The following MAGI2 variants were observed in gnomAD, a reference collection of about 807,000 sequenced individuals.
MAGI2 encodes the protein membrane-associated guanylate kinase, WW and PDZ domain-containing protein 2.
MAGI2 carries 35 observed loss-of-function variants against 133.3 expected under a neutral mutation model. The ratio of observed to expected loss-of-function variants is 0.26; its 90% CI spans 0.20 to 0.35. The LOEUF is 0.35. Ranked by LOEUF, MAGI2 falls within the 10% of genes least tolerant of loss-of-function variation. MAGI2 has a pLI of 1.00. For missense variants in MAGI2, 1,636 were observed against 1,863.4 expected, an observed-to-expected ratio of 0.88 and a Z score of 2.25; for synonymous variants, 729 against 710.6, an observed-to-expected ratio of 1.03 and a Z score of -0.41.
chr7:79,254,552 A>ATGCTTCTTG (rs1833553255), intron 1 of MAGI2, among the ~76,000 whole-genome samples: 1 of 152,238 alleles, frequency 6.6e-6, no homozygotes, highest in African/African-American at 2.4e-5. Flanking sequence ...GTAACTAAGA[A>ATGCTTCTTG]TACAGTTGTA....
chr7:78,471,912 A>T (rs1369123937), intron 6 of MAGI2, among the ~76,000 whole-genome samples: 2 of 151,550 alleles, frequency 1.3e-5, no homozygotes, highest in Non-Finnish European at 2.9e-5. Context: ...GCAACAGAGC[A>T]AGACTCCATC....
At chr7:79,175,405 A>G (rs545261726) in intron 1 of MAGI2, among the ~76,000 whole-genome samples, 2 of 151,932 alleles carry the variant, frequency 1.3e-5, no homozygotes, top group Middle Eastern at 3.4e-3. Flanking sequence ...CCCCCTTCCC[A>G]TCTTGCTTTA....
intron 1 of MAGI2, among the ~76,000 whole-genome samples, chr7:79,260,090 C>T (rs780969643): frequency 3.9e-5 from 6 of 152,226 alleles, no homozygotes; most frequent in African/African-American, 1.2e-4. Flanking sequence ...CATGGTGGCT[C>T]ATGCCTATAA....
chr7:78,062,813 A>G (rs3807762), intron 21 of MAGI2, among the ~76,000 whole-genome samples: 15,844 of 152,096 alleles, frequency 0.1, 1,396 homozygotes, highest in African/African-American at 0.24. Context: ...AAGCTCAGTA[A>G]GTCCAAAATT....
chr7:78,726,659 A>G (rs1820841745), intron 2 of MAGI2, among the ~76,000 whole-genome samples: 1 of 152,170 alleles, frequency 6.6e-6, no homozygotes, highest in South Asian at 2.1e-4. Context: ...ATAACAGAGA[A>G]TACTTCTCCC....
At chr7:79,371,020 TA>T (rs201624499) in intron 1 of MAGI2, among the ~76,000 whole-genome samples, 5 of 151,620 alleles carry the variant, frequency 3.3e-5, no homozygotes, top group Admixed American at 6.6e-5. Context: ...GAGTAAGAAA[TA>T]AAAAAAAGGA....
At chr7:78,887,424 C>T (rs1043703994) in intron 2 of MAGI2, among the ~76,000 whole-genome samples, 1 of 152,178 alleles carries the variant, frequency 6.6e-6, no homozygotes, top group Non-Finnish European at 1.5e-5. Flanking sequence ...TGGGAGCAAG[C>T]CGCAGTAATC....
chr7:79,324,540 C>A lies in MAGI2; in HGVS notation c.301+128480G>T, dbSNP rs780583272. On this transcript the variant is annotated intron_variant, in intron 1 of 21. Coordinates refer to ENST00000354212, the MANE Select transcript of MAGI2 (RefSeq NM_012301.4). ...TATATATACACCATATATATATAAC[C>A]ATATATATACATATATACACATATA... Among the ~76,000 whole-genome samples, 7 of 10,716 alleles carry A rather than the reference C, an allele frequency of 6.5e-4. 1 individual carries two copies. The highest frequency in any genetic ancestry group is 1.2e-3 in the African/African-American group (4 of 3,436). 7.0% of individuals were successfully genotyped at this position (10,716 alleles called of 152,430 possible). A position where few individuals can be genotyped will look rare whatever the true frequency, so the allele number is the denominator to read the frequency against.
At chr7:79,023,086 A>G (rs1454809586) in intron 1 of MAGI2, among the ~76,000 whole-genome samples, 1 of 152,200 alleles carries the variant, frequency 6.6e-6, no homozygotes, top group African/African-American at 2.4e-5. Flanking sequence ...AAAATTCCTC[A>G]ACAAAATACT....
chr7:79,182,632 C>A (rs965060327), intron 1 of MAGI2, among the ~76,000 whole-genome samples: 1 of 151,854 alleles, frequency 6.6e-6, no homozygotes, highest in Non-Finnish European at 1.5e-5. Context: ...ATGAAGATTT[C>A]TCAAAGAACT....
intron 1 of MAGI2, among the ~76,000 whole-genome samples, chr7:79,344,068 A>G (rs1841121240): frequency 6.6e-6 from 1 of 152,180 alleles, no homozygotes; most frequent in Admixed American, 6.6e-5. Context: ...AACTGGATAA[A>G]CTAGTTCAAT....
At chr7:78,212,939 G>A (rs1181307229) in intron 10 of MAGI2, among the ~76,000 whole-genome samples, 1 of 152,130 alleles carries the variant, frequency 6.6e-6, no homozygotes, top group East Asian at 1.9e-4. Flanking sequence ...GCCTCCTAAA[G>A]TGTTGGGATT....
chr7:78,986,774 T>A (rs1254929186), intron 2 of MAGI2, among the ~76,000 whole-genome samples: 1 of 152,048 alleles, frequency 6.6e-6, no homozygotes, highest in Non-Finnish European at 1.5e-5. Flanking sequence ...CTACCCTTTG[T>A]GTCTTCTACA....
chr7:78,917,310 C>G lies in MAGI2; in HGVS notation c.418+89780G>C, dbSNP rs77863552. Reference sequence around the variant, plus strand: ...GTCCTGCAGAAGTGAACATGTGGACCTGGTTGTAGGAGGTATAAGTCTGCA... The same window carrying G: ...GTCCTGCAGAAGTGAACATGTGGACGTGGTTGTAGGAGGTATAAGTCTGCA... On this transcript the variant is annotated intron_variant, in intron 2 of 21. Transcript: ENST00000354212. 9.8e-3 allele frequency among the ~76,000 whole-genome samples: 1,483 copies of G among 152,020 alleles called. 22 individuals are homozygous for G. The highest frequency in any genetic ancestry group is 0.034 in the African/African-American group (1,402 of 41,446).
At chr7:79,410,667 A>G (rs1846083860) in intron 1 of MAGI2, 1 of 152,146 alleles carries the variant, frequency 6.6e-6, no homozygotes, top group Admixed American at 6.6e-5. Flanking sequence ...ATTTAGTATT[A>G]CCTCATATGC....
intron 2 of MAGI2, among the ~76,000 whole-genome samples, chr7:78,979,352 C>T (rs1013382666): frequency 7.4e-5 from 10 of 135,544 alleles, no homozygotes; most frequent in Non-Finnish European, 1.6e-4. Flanking sequence ...TCAAAAAAGT[C>T]CCCCCCCAGC....
At chr7:78,287,740 T>G (rs1293928771) in intron 9 of MAGI2, among the ~76,000 whole-genome samples, 1 of 152,210 alleles carries the variant, frequency 6.6e-6, no homozygotes, top group Non-Finnish European at 1.5e-5. Context: ...TAGGCTAGAA[T>G]AGTAATTTTA....
chr7:78,151,368 C>T (rs907611866), intron 16 of MAGI2, among the ~76,000 whole-genome samples: 1 of 152,070 alleles, frequency 6.6e-6, no homozygotes, highest in Non-Finnish European at 1.5e-5. Context: ...GGGATGCCAT[C>T]CAAATCCTCC....
chr7:79,035,071 G>A (rs547758055), intron 1 of MAGI2, among the ~76,000 whole-genome samples: 118 of 152,154 alleles, frequency 7.8e-4, no homozygotes, highest in African/African-American at 2.7e-3. Context: ...CTCTACAGAT[G>A]TTTTTTGACA....
Sources: allele counts gnomAD v4.1 joint callset (sites outside exome capture counted in the v4.1 genomes callset), GRCh38; gene constraint gnomAD v4.1.1; transcripts MANE v1.5; gene names NCBI Gene and HGNC (gene_info 2026-07-23, HGNC 2026-07-21).